Variants in TCF7L2 observed in about 807,000 individuals in gnomAD.
TCF7L2 encodes transcription factor 7-like 2.
A neutral mutation model predicts 77.9 loss-of-function variants in TCF7L2; 23 were observed. That is an observed-to-expected ratio of 0.30 (90% CI 0.21 to 0.42). The LOEUF (loss-of-function observed/expected upper bound fraction) is 0.42. Ranked by LOEUF, TCF7L2 falls within the 10% of genes least tolerant of loss-of-function variation. The probability of loss-of-function intolerance (pLI) is 1.00; values close to 1 mark genes in which losing one functional copy is unlikely to be tolerated. For missense variants in TCF7L2, 654 were observed against 793.1 expected (o/e 0.82, Z 2.11); for synonymous variants, 413 against 340.2 (o/e 1.21, Z -2.36).
intron 4 of TCF7L2, among the ~76,000 whole-genome samples, chr10:113,013,442 A>G (rs1055110787): frequency 6.6e-6 from 1 of 152,194 alleles, no homozygotes; most frequent in African/African-American, 2.4e-5. Context: ...TTTTAAAGAA[A>G]GGGGTAAATT....
intron 5 of TCF7L2, among the ~76,000 whole-genome samples, chr10:113,049,947 C>T (rs1256778639): frequency 6.6e-6 from 1 of 152,120 alleles, no homozygotes; most frequent in Non-Finnish European, 1.5e-5. Context: ...TCCAGCAGGG[C>T]GTGGCTGATG....
intron 5 of TCF7L2, among the ~76,000 whole-genome samples, chr10:113,126,289 T>C (rs1398075178): frequency 6.6e-6 from 1 of 152,178 alleles, no homozygotes; most frequent in Non-Finnish European, 1.5e-5. Context: ...GTACTTTCAG[T>C]TGGCAGAAAA....
intron 3 of TCF7L2, among the ~76,000 whole-genome samples, chr10:112,954,112 C>T (rs943458341): frequency 1.3e-5 from 2 of 152,140 alleles, no homozygotes; most frequent in Admixed American, 6.5e-5. Context: ...GATACAGCTG[C>T]GGGAGGAATG....
chr10:113,007,701 C>T (rs532093440), intron 4 of TCF7L2, among the ~76,000 whole-genome samples: 4 of 152,278 alleles, frequency 2.6e-5, no homozygotes, highest in African/African-American at 9.6e-5. Context: ...GCTGCTTTTC[C>T]CTTTCCCCAT....
At chr10:113,142,685 G>A (rs2136894498) in intron 6 of TCF7L2, among the ~76,000 whole-genome samples, 1 of 152,334 alleles carries the variant, frequency 6.6e-6, no homozygotes, top group South Asian at 2.1e-4. Context: ...ACTGAGCCTG[G>A]CGCTTGGATG....
chr10:113,083,909 T>A (rs1213391026), intron 5 of TCF7L2, among the ~76,000 whole-genome samples: 1 of 152,238 alleles, frequency 6.6e-6, no homozygotes, highest in East Asian at 1.9e-4. Context: ...AAATCTAGGC[T>A]TTAGTTTCAG....
rs771838330 is a variant in TCF7L2, at chr10:113,166,092, T to C, written c.*120T>C. 4.5e-6 allele frequency: 4 copies of C among 896,846 alleles called. No individual in the cohort carries two copies. Among genetic ancestry groups the C allele is most frequent in the Non-Finnish European group, 6.1e-6 (4 of 652,886 alleles). 55.6% of individuals were successfully genotyped at this position (896,846 alleles called of 1,614,324 possible). On this transcript the variant is annotated 3_prime_UTR_variant, in exon 14 of 14. Transcript: ENST00000627217. ...CTCTCTTAATTTTGTGCCATGTGGC[T>C]ACATTAGTTGATGTTTATCGAGTTC...
At chr10:113,005,593 G>A (rs2045395712) in intron 4 of TCF7L2, among the ~76,000 whole-genome samples, 1 of 152,168 alleles carries the variant, frequency 6.6e-6, no homozygotes, top group Non-Finnish European at 1.5e-5. Context: ...GGATGCGGTT[G>A]TGGTTATCTC....
chr10:113,087,043 A>T (rs2059912855), intron 5 of TCF7L2, among the ~76,000 whole-genome samples: 1 of 152,150 alleles, frequency 6.6e-6, no homozygotes, highest in African/African-American at 2.4e-5. Context: ...CCAGTAACAT[A>T]AGGTGGGGAA....
chr10:113,146,546 G>C (rs894299601), intron 8 of TCF7L2, among the ~76,000 whole-genome samples: 4 of 151,612 alleles, frequency 2.6e-5, no homozygotes, highest in African/African-American at 9.7e-5. Context: ...AGGTAGCACT[G>C]TCCAATAGAA....
intron 4 of TCF7L2, among the ~76,000 whole-genome samples, chr10:113,039,431 C>T (rs2052014771): frequency 6.6e-6 from 1 of 152,170 alleles, no homozygotes; most frequent in Admixed American, 6.5e-5. Flanking sequence ...TGGCCCTGTG[C>T]ATTTTTTACC....
chr10:113,070,653 T>C (rs1465299092), intron 5 of TCF7L2, among the ~76,000 whole-genome samples: 1 of 152,224 alleles, frequency 6.6e-6, no homozygotes, highest in Non-Finnish European at 1.5e-5. Flanking sequence ...AGCACATTAA[T>C]AGCTTACCTA....
At chr10:113,156,117 T>TTC (rs2071828313) in intron 11 of TCF7L2, among the ~76,000 whole-genome samples, 1 of 17,132 alleles carries the variant, frequency 5.8e-5, no homozygotes, top group African/African-American at 2.8e-4. Flanking sequence ...CTTTCTTTCT[T>TTC]TTTTTTTTTT....
intron 5 of TCF7L2, among the ~76,000 whole-genome samples, chr10:113,119,001 C>T (rs915987839): frequency 5.9e-5 from 9 of 152,260 alleles, no homozygotes; most frequent in Admixed American, 3.9e-4. Flanking sequence ...CGCTGTCATT[C>T]GTTCCTTCCT....
chr10:113,022,310 A>G (rs1013044155), intron 4 of TCF7L2, among the ~76,000 whole-genome samples: 1 of 152,148 alleles, frequency 6.6e-6, no homozygotes, highest in Non-Finnish European at 1.5e-5. Flanking sequence ...TGATTGTAAG[A>G]ATCAGAATTC....
chr10:112,970,747 A>G (rs1366277517), intron 4 of TCF7L2, among the ~76,000 whole-genome samples: 1 of 152,110 alleles, frequency 6.6e-6, no homozygotes, highest in Admixed American at 6.5e-5. Flanking sequence ...CCTCTCACCC[A>G]TCACAAGTTC....
intron 4 of TCF7L2, among the ~76,000 whole-genome samples, chr10:113,014,223 C>G (rs1242273706): frequency 8.5e-5 from 13 of 152,316 alleles, no homozygotes; most frequent in Admixed American, 7.8e-4. Context: ...TGTCCACGCT[C>G]TGCATTCTCT....
intron 5 of TCF7L2, among the ~76,000 whole-genome samples, chr10:113,073,129 T>TGTGTGTGA (rs56927661): frequency 1.1e-4 from 13 of 123,578 alleles, no homozygotes; most frequent in African/African-American, 3.7e-4. Flanking sequence ...TGTGTGTGTG[T>TGTGTGTGA]GAGAGAGAGA....
chr10:113,021,493 G>C (rs948240950), intron 4 of TCF7L2, among the ~76,000 whole-genome samples: 1 of 152,200 alleles, frequency 6.6e-6, no homozygotes, highest in Admixed American at 6.5e-5. Flanking sequence ...ACGGTGGTAA[G>C]AGCTGACATT....
Sources: gnomAD v4.1 joint callset for allele counts (sites outside exome capture counted in the v4.1 genomes callset) on GRCh38, gnomAD v4.1.1 for gene constraint, MANE v1.5 for transcripts, NCBI Gene and HGNC (gene_info 2026-07-23, HGNC 2026-07-21) for gene names.